The following MAP6 variants were observed in gnomAD, a reference collection of about 807,000 sequenced individuals.
MAP6 encodes microtubule-associated protein 6.
MAP6 carries 26 observed loss-of-function variants against 42.4 expected under a neutral mutation model. That is an observed-to-expected ratio of 0.61 (90% CI 0.45 to 0.85). MAP6 has a LOEUF of 0.85. MAP6 is among the 40% of genes least tolerant of loss of function. MAP6 has a pLI of 0.00. For missense variants in MAP6, 966 were observed against 1,099.0 expected (o/e 0.88, Z 1.71); for synonymous variants, 418 against 443.8 (o/e 0.94, Z 0.73).
At position 75,655,606 on chromosome 11, in the gene MAP6, G is replaced by C. The variant is rs151001680; in HGVS notation, c.905+11859C>G. On this transcript the variant is annotated intron_variant, in intron 1 of 3. Coordinates refer to ENST00000304771, the MANE Select transcript of MAP6 (RefSeq NM_033063.2). Reference sequence around the variant, plus strand: ...GCCCTGGAGGAGAAGGGAATCTGTTGAGAGTTTAGGAAAAGAAGTGAGACC... The same window carrying C: ...GCCCTGGAGGAGAAGGGAATCTGTTCAGAGTTTAGGAAAAGAAGTGAGACC... Among the ~76,000 whole-genome samples the C allele has an allele frequency of 2.6e-5, 4 of 152,340 alleles. No individual in the cohort carries two copies. The East Asian group carries it at 7.7e-4, about 29-fold the overall frequency.
In MAP6 at chr11:75,587,024, G is replaced by A; in HGVS notation, c.*35C>T. ...CCCCTGGGAGGGGAGCACTCTCACTGTCAGCTCCTTCATTGGTGTGTCAAG... is the reference window on the plus strand; with the variant it reads ...CCCCTGGGAGGGGAGCACTCTCACTATCAGCTCCTTCATTGGTGTGTCAAG... On this transcript the variant is annotated 3_prime_UTR_variant, in exon 4 of 4. Coordinates refer to ENST00000304771, the MANE Select transcript of MAP6 (RefSeq NM_033063.2). The A allele has an allele frequency of 6.5e-7, 1 of 1,528,648 alleles. No individual in the cohort carries two copies. The highest frequency in any genetic ancestry group is 8.8e-7 in the Non-Finnish European group (1 of 1,138,750). 94.7% of individuals were successfully genotyped at this position (1,528,648 alleles called of 1,614,324 possible). A position where few individuals can be genotyped will look rare whatever the true frequency, so the allele number is the denominator to read the frequency against.
chr11:75,594,146 AC>A (rs1392581286), intron 3 of MAP6: 3 of 152,230 alleles, frequency 2.0e-5, no homozygotes. Context: ...CAGGTCCAGG[AC>A]TAAAACATGG....
intron 1 of MAP6, among the ~76,000 whole-genome samples, chr11:75,662,324 C>T (rs1943866256): frequency 6.6e-6 from 1 of 152,014 alleles, no homozygotes; most frequent in Non-Finnish European, 1.5e-5. Context: ...AGAAATAAAA[C>T]TTTAAAACTG....
chr11:75,605,245 C>T (rs1292261695), intron 3 of MAP6: 2 of 985,584 alleles, frequency 2.0e-6, no homozygotes, highest in Non-Finnish European at 2.4e-6. Context: ...GAAAAGACCA[C>T]TTAACAGACA....
chr11:75,658,783 T>A (rs1317305808), intron 1 of MAP6, among the ~76,000 whole-genome samples: 1 of 152,222 alleles, frequency 6.6e-6, no homozygotes, highest in Non-Finnish European at 1.5e-5. Flanking sequence ...ATAATTTCTC[T>A]TCTTGTACTT....
chr11:75,587,199 C>T lies in MAP6; in HGVS notation c.2302G>A (p.Ala768Thr). Residue 768 changes from alanine to threonine, a missense_variant, in exon 4 of 4, where the codon GCA (alanine) becomes ACA (threonine). By Grantham distance (58) the Ala-to-Thr change is moderately conservative. Transcript: ENST00000304771. ...KDQDPLVPVP[A>T]KDQGPAVPEP... ...GGGACTGCAGGACCTTGGTCCTTTG[C>T]TGGTACTGGCACCAGAGGATCTTGA... is the stretch of plus-strand genomic sequence containing the variant. 6.2e-7 allele frequency: 1 copy of T among 1,614,032 alleles called. No homozygotes were observed. The highest frequency in any genetic ancestry group is 8.5e-7 in the Non-Finnish European group (1 of 1,179,992).
At position 75,608,277 on chromosome 11, in the gene MAP6, T is replaced by C; in HGVS notation, c.951A>G (p.Ile317Met). The C allele has an allele frequency of 6.2e-7, 1 of 1,614,216 alleles. No homozygotes were observed. Among genetic ancestry groups the C allele is most frequent in the African/African-American group, 1.3e-5 (1 of 75,058 alleles). The change falls in exon 2 of 4, where the codon ATA becomes ATG. Residue 317 changes from isoleucine (I) to methionine (M), a missense_variant. Physicochemically the swap from Ile to Met is conservative, Grantham distance 10. Around this residue, in one of 2 missense-constraint regions of MAP6, gnomAD observed 943 missense variants for 1,049.9 expected, o/e 0.90. Coordinates refer to ENST00000304771, the MANE Select transcript of MAP6 (RefSeq NM_033063.2). ...AWTDIKPVKP[I>M]KAKPQYKPPD... ...GGGGCTTGTACTGGGGCTTGGCCTTTATTGGTTTCACAGGCTTGATGTCCG... is the reference window on the plus strand; with the variant it reads ...GGGGCTTGTACTGGGGCTTGGCCTTCATTGGTTTCACAGGCTTGATGTCCG...
intron 1 of MAP6, among the ~76,000 whole-genome samples, chr11:75,636,926 C>A (rs1259318564): frequency 6.6e-6 from 1 of 152,190 alleles, no homozygotes; most frequent in Non-Finnish European, 1.5e-5. Context: ...AGCGAAATAT[C>A]TCTTTCAATG....
chr11:75,663,309 A>G (rs1292818117), intron 1 of MAP6, among the ~76,000 whole-genome samples: 1 of 152,108 alleles, frequency 6.6e-6, no homozygotes, highest in Admixed American at 6.5e-5. Flanking sequence ...ATTGAGGAAG[A>G]CACAATTTTC....
chr11:75,613,959 T>C (rs1389595376), intron 1 of MAP6, among the ~76,000 whole-genome samples: 2 of 152,164 alleles, frequency 1.3e-5, no homozygotes, highest in Non-Finnish European at 2.9e-5. Flanking sequence ...TCACAGCAGC[T>C]GCCAAAGCAG....
At chr11:75,649,138 CTAAACA>C (rs1261430166) in intron 1 of MAP6, among the ~76,000 whole-genome samples, 2 of 151,926 alleles carry the variant, frequency 1.3e-5, no homozygotes, top group Admixed American at 6.6e-5. Flanking sequence ...GTACAAAAAC[CTAAACA>C]TAAATAGGGA....
intron 1 of MAP6, among the ~76,000 whole-genome samples, chr11:75,644,728 G>T (rs1943527193): frequency 6.6e-6 from 1 of 152,098 alleles, no homozygotes. Context: ...GATTGTAAAG[G>T]CAGAGACAAT....
intron 1 of MAP6, among the ~76,000 whole-genome samples, chr11:75,614,662 G>A (rs990009464): frequency 4.6e-5 from 7 of 152,170 alleles, no homozygotes; most frequent in South Asian, 2.1e-4. Context: ...CCCTGAGCTC[G>A]AACCATCCAG....
intron 1 of MAP6, chr11:75,642,910 T>G: frequency 2.0e-6 from 1 of 492,668 alleles, no homozygotes; most frequent in Admixed American, 2.0e-5. Context: ...ATTTCAATGA[T>G]TAGTCAGCAC....
intron 1 of MAP6, among the ~76,000 whole-genome samples, chr11:75,656,424 C>T (rs1014173006): frequency 2.6e-5 from 4 of 152,144 alleles, no homozygotes; most frequent in African/African-American, 9.7e-5. Context: ...AAGATAATAA[C>T]GATGTGTATT....
intron 1 of MAP6, among the ~76,000 whole-genome samples, chr11:75,650,492 C>T (rs1163135005): frequency 6.6e-6 from 1 of 152,182 alleles, no homozygotes. Flanking sequence ...ACTGCTCATT[C>T]CATGATGAAT....
chr11:75,661,928 A>G (rs1440624369), intron 1 of MAP6, among the ~76,000 whole-genome samples: 2 of 152,314 alleles, frequency 1.3e-5, no homozygotes, highest in African/African-American at 4.8e-5. Flanking sequence ...AGGAAAGTCT[A>G]CAAACAAAAC....
intron 1 of MAP6, among the ~76,000 whole-genome samples, chr11:75,620,947 G>A (rs912058425): frequency 2.0e-5 from 3 of 152,052 alleles, no homozygotes; most frequent in East Asian, 1.9e-4. Flanking sequence ...TGGCTAACAC[G>A]GTGAAACCCC....
At chr11:75,623,695 A>C (rs1014024237) in intron 1 of MAP6, among the ~76,000 whole-genome samples, 2 of 152,170 alleles carry the variant, frequency 1.3e-5, no homozygotes, top group African/African-American at 4.8e-5. Flanking sequence ...TTACTGAACC[A>C]ACGAATAAAC....
Sources: gnomAD v4.1 joint callset for allele counts (sites outside exome capture counted in the v4.1 genomes callset) on GRCh38, gnomAD v4.1.1 for gene constraint, gnomAD v4.1.1 regional missense constraint, MANE v1.5 for transcripts, NCBI Gene and HGNC (gene_info 2026-07-23, HGNC 2026-07-21) for gene names.